CTNNA3: variants seen among roughly 807,000 people sequenced by gnomAD.
CTNNA3 encodes catenin alpha 3.
In CTNNA3, 76 loss-of-function variants were observed where a neutral mutation model predicts 95.7. The ratio of observed to expected loss-of-function variants is 0.79; its 90% CI spans 0.66 to 0.96. The LOEUF (loss-of-function observed/expected upper bound fraction) is 0.96, where lower values mean the gene tolerates loss of function less well. Ranked by LOEUF, CTNNA3 falls within the 40% of genes least tolerant of loss-of-function variation. The pLI, the probability that CTNNA3 is intolerant of heterozygous loss-of-function variation, is 0.00. For synonymous variants in CTNNA3, 431 were observed against 374.4 expected (o/e 1.15, Z -1.74); for missense variants, 1,191 against 1,089.8 (o/e 1.09, Z -1.31).
At chr10:65,931,083 T>G (rs1418845436) in intron 17 of CTNNA3, among the ~76,000 whole-genome samples, 1 of 152,208 alleles carries the variant, frequency 6.6e-6, no homozygotes, top group Non-Finnish European at 1.5e-5. Flanking sequence ...TCAGGGTCTT[T>G]GAAGATTCAA....
At chr10:67,222,168 ACTGT>A (rs1253175377) in intron 5 of CTNNA3, among the ~76,000 whole-genome samples, 1 of 152,168 alleles carries the variant, frequency 6.6e-6, no homozygotes, top group Non-Finnish European at 1.5e-5. Flanking sequence ...GAAAATAAAC[ACTGT>A]CTGCTACTTC....
chr10:66,504,887 A>T (rs1014300833), intron 11 of CTNNA3, among the ~76,000 whole-genome samples: 1 of 152,214 alleles, frequency 6.6e-6, no homozygotes, highest in Middle Eastern at 3.2e-3. Flanking sequence ...GTTTATAAAC[A>T]GTATATTTTA....
At chr10:67,037,845 A>T (rs573060046) in intron 7 of CTNNA3, among the ~76,000 whole-genome samples, 72 of 152,260 alleles carry the variant, frequency 4.7e-4, no homozygotes, top group Non-Finnish European at 9.4e-4. Flanking sequence ...TTGGTAAATT[A>T]TGATTAGCTG....
intron 11 of CTNNA3, among the ~76,000 whole-genome samples, chr10:66,387,796 G>T (rs1462875929): frequency 6.6e-6 from 1 of 152,062 alleles, no homozygotes; most frequent in Non-Finnish European, 1.5e-5. Context: ...TCCTTTTCAG[G>T]GACATGGATG....
intron 13 of CTNNA3, among the ~76,000 whole-genome samples, chr10:66,202,908 T>C: frequency 6.6e-6 from 1 of 152,204 alleles, no homozygotes. Flanking sequence ...GTTCATAGAT[T>C]TTCTCAGATG....
At chr10:67,395,784 A>G (rs1412916653) in intron 5 of CTNNA3, among the ~76,000 whole-genome samples, 1 of 152,162 alleles carries the variant, frequency 6.6e-6, no homozygotes, top group Non-Finnish European at 1.5e-5. Context: ...TAATCCCACT[A>G]TCCAATTTAA....
At chr10:66,724,022 G>A (rs1004971460) in intron 9 of CTNNA3, among the ~76,000 whole-genome samples, 2 of 151,898 alleles carry the variant, frequency 1.3e-5, no homozygotes, top group Non-Finnish European at 2.9e-5. Context: ...GTAATTAATC[G>A]ATGTAAATCT....
At chr10:67,102,434 C>T (rs1172808833) in intron 7 of CTNNA3, among the ~76,000 whole-genome samples, 3 of 151,652 alleles carry the variant, frequency 2.0e-5, no homozygotes, top group African/African-American at 7.3e-5. Context: ...AGATAGGAGG[C>T]AACTTATATT....
chr10:66,172,602 T>C (rs1252925099), intron 13 of CTNNA3, among the ~76,000 whole-genome samples: 1 of 152,140 alleles, frequency 6.6e-6, no homozygotes, highest in African/African-American at 2.4e-5. Flanking sequence ...TTCCAGGTAA[T>C]TTTTCATTCA....
intron 7 of CTNNA3, among the ~76,000 whole-genome samples, chr10:67,104,632 T>C (rs1260081899): frequency 6.6e-6 from 1 of 151,902 alleles, no homozygotes; most frequent in Non-Finnish European, 1.5e-5. Flanking sequence ...CATTGAGTTA[T>C]CTCTTCTATC....
chr10:66,597,767 T>A (rs1843775783), intron 10 of CTNNA3, among the ~76,000 whole-genome samples: 1 of 151,384 alleles, frequency 6.6e-6, no homozygotes, highest in South Asian at 2.1e-4. Context: ...AATGATACTT[T>A]ACTTGGAAAA....
chr10:66,040,306 A>T (rs2079658620), intron 15 of CTNNA3, among the ~76,000 whole-genome samples: 1 of 152,146 alleles, frequency 6.6e-6, no homozygotes, highest in Non-Finnish European at 1.5e-5. Flanking sequence ...AGTATTATGG[A>T]AAGCAGTGTG....
intron 7 of CTNNA3, among the ~76,000 whole-genome samples, chr10:67,063,617 C>A (rs1389473338): frequency 6.6e-6 from 1 of 152,180 alleles, no homozygotes; most frequent in Non-Finnish European, 1.5e-5. Context: ...TTAGATAATG[C>A]ATATGACATG....
intron 6 of CTNNA3, among the ~76,000 whole-genome samples, chr10:67,209,044 TTTGTTG>T (rs149802447): frequency 0.16 from 24,317 of 151,426 alleles, 2,597 homozygotes; most frequent in African/African-American, 0.31. Flanking sequence ...ATTGTTATTT[TTTGTTG>T]TTGTTGTTGT....
In CTNNA3 at chr10:67,218,141, C is replaced by T. The variant is rs544803309; in HGVS notation, c.843+1466G>A. ...CCAAAATCCAAACCACTTCTGGTCC[C>T]AAGCATTTCAGATAAGGGATGCTCA... On this transcript the variant is annotated intron_variant, in intron 6 of 17. Coordinates refer to ENST00000433211, the MANE Select transcript of CTNNA3 (RefSeq NM_013266.4). Among the ~76,000 whole-genome samples the T allele has an allele frequency of 3.9e-5, 6 of 152,234 alleles. No individual in the cohort carries two copies. In the South Asian group the frequency reaches 1.2e-3, roughly 32 times the overall value.
intron 1 of CTNNA3, among the ~76,000 whole-genome samples, chr10:67,651,894 CTAAT>C (rs1839888524): frequency 1.3e-5 from 2 of 152,192 alleles, no homozygotes; most frequent in South Asian, 4.1e-4. Context: ...GATGTCCAGT[CTAAT>C]TAAAGAGATC....
At chr10:67,643,361 G>A (rs915083235) in intron 2 of CTNNA3, among the ~76,000 whole-genome samples, 1 of 151,808 alleles carries the variant, frequency 6.6e-6, no homozygotes, top group African/African-American at 2.4e-5. Flanking sequence ...GCTAATGGAC[G>A]CTGGGCTTAA....
intron 7 of CTNNA3, among the ~76,000 whole-genome samples, chr10:67,145,399 G>A (rs758526309): frequency 3.3e-5 from 5 of 151,268 alleles, no homozygotes; most frequent in African/African-American, 4.9e-5. Flanking sequence ...GGTAATAAAG[G>A]AACTAAGCTG....
intron 3 of CTNNA3, among the ~76,000 whole-genome samples, chr10:67,588,588 TG>T (rs1842705181): frequency 6.6e-6 from 1 of 152,002 alleles, no homozygotes; most frequent in Non-Finnish European, 1.5e-5. Flanking sequence ...GTAGTAGTGG[TG>T]GGCTAAGCAT....
Sources: allele counts gnomAD v4.1 joint callset (sites outside exome capture counted in the v4.1 genomes callset), GRCh38; gene constraint gnomAD v4.1.1; transcripts MANE v1.5; gene names NCBI Gene and HGNC (gene_info 2026-07-23, HGNC 2026-07-21).